DENND5B: variants seen among roughly 807,000 people sequenced by gnomAD.
DENND5B encodes the protein DENN domain-containing protein 5B.
A neutral mutation model predicts 140.6 loss-of-function variants in DENND5B; 34 were observed. The observed-to-expected ratio is 0.24, with a 90% CI of 0.18 to 0.32. The LOEUF (loss-of-function observed/expected upper bound fraction) is 0.32. DENND5B is among the 10% of genes least tolerant of loss of function. The pLI, the probability that DENND5B is intolerant of heterozygous loss-of-function variation, is 1.00. For missense variants in DENND5B, 1,142 were observed against 1,560.2 expected, an observed-to-expected ratio of 0.73 and a Z score of 4.52; for synonymous variants, 551 against 562.1, an observed-to-expected ratio of 0.98 and a Z score of 0.28.
At chr12:31,524,025 T>G (rs1371380641) in intron 1 of DENND5B, among the ~76,000 whole-genome samples, 3 of 149,964 alleles carry the variant, frequency 2.0e-5, no homozygotes, top group African/African-American at 7.4e-5. Context: ...GTCTTTTAAG[T>G]GAAAACTACT....
chr12:31,469,775 C>A (rs889094824), intron 3 of DENND5B, among the ~76,000 whole-genome samples: 1 of 152,064 alleles, frequency 6.6e-6, no homozygotes, highest in Non-Finnish European at 1.5e-5. Context: ...TTCACTCTTA[C>A]TTTCCATGAA....
In DENND5B at chr12:31,590,710, C is replaced by A; in HGVS notation, c.123G>T (p.Leu41=). The change falls in exon 1 of 21, where the codon CTG becomes CTT. Residue 41 remains leucine (L), a synonymous_variant. Transcript: ENST00000389082. ...CCGCCGCAGCCCTGGCCTTACCCGC[C>A]AGCTCGTCAGGCTCCAGCCCGCTGT... is the stretch of plus-strand genomic sequence containing the variant. ...DADSGLEPDE[L]AGENFDQSPL... The A allele has an allele frequency of 2.7e-6, 4 of 1,476,304 alleles. No homozygotes were observed. Among genetic ancestry groups the A allele is most frequent in the Non-Finnish European group, 3.6e-6 (4 of 1,119,704 alleles). 91.5% of individuals were successfully genotyped at this position (1,476,304 alleles called of 1,614,324 possible). A position where few individuals can be genotyped will look rare whatever the true frequency, so the allele number is the denominator to read the frequency against.
chr12:31,588,525 A>G (rs1950481311), intron 1 of DENND5B, among the ~76,000 whole-genome samples: 1 of 152,210 alleles, frequency 6.6e-6, no homozygotes, highest in Admixed American at 6.5e-5. Context: ...TATTCCCTAA[A>G]CAATACAGTA....
In DENND5B at chr12:31,483,978, C is replaced by T. The variant is rs1258708673; in HGVS notation, c.238-3723G>A. 3.3e-5 allele frequency among the ~76,000 whole-genome samples: 5 copies of T among 151,424 alleles called. No homozygotes were observed. The South Asian group carries it at 8.4e-4, about 25-fold the overall frequency. Reference sequence around the variant, plus strand: ...CTCCCAGGTTCAAGCCTCAGCCTCCCGAGTAGCTGGGACTACAGGCCTGCA... The same window carrying T: ...CTCCCAGGTTCAAGCCTCAGCCTCCTGAGTAGCTGGGACTACAGGCCTGCA... On this transcript the variant is annotated intron_variant, in intron 2 of 20. Transcript: ENST00000389082.
At chr12:31,522,070 T>G (rs950797312) in intron 1 of DENND5B, among the ~76,000 whole-genome samples, 2 of 152,238 alleles carry the variant, frequency 1.3e-5, no homozygotes, top group Non-Finnish European at 1.5e-5. Flanking sequence ...CACCCCTTTC[T>G]GCTTTTACAA....
At chr12:31,408,711 T>C (rs552573274) in intron 14 of DENND5B, among the ~76,000 whole-genome samples, 7 of 152,092 alleles carry the variant, frequency 4.6e-5, no homozygotes, top group African/African-American at 1.7e-4. Context: ...AGTTTATTAT[T>C]AACACACAGA....
chr12:31,480,366 A>G (rs1256512186), intron 2 of DENND5B, 111 bp from the exon 3 acceptor site: 2 of 1,042,416 alleles, frequency 1.9e-6, no homozygotes, highest in Non-Finnish European at 2.6e-6. Flanking sequence ...GGTTTTATCC[A>G]GATTTAATAT....
intron 1 of DENND5B, among the ~76,000 whole-genome samples, chr12:31,523,752 G>A (rs1036448339): frequency 6.6e-6 from 1 of 152,100 alleles, no homozygotes; most frequent in African/African-American, 2.4e-5. Flanking sequence ...GATAACTACA[G>A]GATTACCAAA....
chr12:31,569,864 C>G (rs1000516423), intron 1 of DENND5B, among the ~76,000 whole-genome samples: 21 of 151,984 alleles, frequency 1.4e-4, no homozygotes, highest in Middle Eastern at 3.4e-3. Flanking sequence ...TACTTAGGAA[C>G]AACTAAAATT....
intron 1 of DENND5B, among the ~76,000 whole-genome samples, chr12:31,520,694 C>A (rs907270882): frequency 1.3e-5 from 2 of 152,054 alleles, no homozygotes; most frequent in Admixed American, 1.3e-4. Context: ...GTGTGTGCCA[C>A]CATGCCCGGC....
intron 1 of DENND5B, among the ~76,000 whole-genome samples, chr12:31,586,648 TC>T: frequency 6.6e-6 from 1 of 152,146 alleles, no homozygotes; most frequent in Non-Finnish European, 1.5e-5. Context: ...TATTATAAGG[TC>T]TTAGTCTATT....
intron 19 of DENND5B, among the ~76,000 whole-genome samples, chr12:31,390,751 C>A (rs1170469405): frequency 6.7e-6 from 1 of 149,886 alleles, no homozygotes; most frequent in Non-Finnish European, 1.5e-5. Context: ...TGGCCAGGCA[C>A]AGTGGCTCAC....
intron 20 of DENND5B, 33 bp from the exon 21 acceptor site, chr12:31,387,819 T>C (rs1940920321): frequency 6.3e-7 from 1 of 1,598,590 alleles, no homozygotes. Context: ...TTCCTGAGCA[T>C]TGCTGGCCTC....
chr12:31,390,632 T>C (rs1456590534), intron 19 of DENND5B, among the ~76,000 whole-genome samples: 1 of 151,774 alleles, frequency 6.6e-6, no homozygotes, highest in Admixed American at 6.6e-5. Flanking sequence ...CGAGACTCCA[T>C]CTAAAACAAA....
chr12:31,553,774 T>G (rs558208895), intron 1 of DENND5B, among the ~76,000 whole-genome samples: 37 of 152,356 alleles, frequency 2.4e-4, no homozygotes, highest in East Asian at 2.3e-3. Flanking sequence ...ATATTTAGGA[T>G]AGTTAACTCT....
In DENND5B at chr12:31,555,772, C is replaced by T. The variant is rs182533007; in HGVS notation, c.127+34934G>A. Among the ~76,000 whole-genome samples the T allele has an allele frequency of 5.6e-3, 853 of 152,344 alleles. 4 individuals carry two copies. Among genetic ancestry groups the T allele is most frequent in the African/African-American group, 0.02 (820 of 41,570 alleles). ...TTGGCAATGACAGGTGCCCCTCCCC[C>T]AGCCTCACTGCCACCTTGCAGTTTG... On this transcript the variant is annotated intron_variant, in intron 1 of 20. Coordinates refer to ENST00000389082, the MANE Select transcript of DENND5B (RefSeq NM_144973.4).
chr12:31,502,339 C>A (rs950650752), intron 1 of DENND5B, among the ~76,000 whole-genome samples: 3 of 145,732 alleles, frequency 2.1e-5, no homozygotes, highest in Non-Finnish European at 3.1e-5. Flanking sequence ...ACAAAAAAAA[C>A]ATTATATTCA....
At chr12:31,584,389 CTT>C (rs1434531336) in intron 1 of DENND5B, among the ~76,000 whole-genome samples, 4 of 152,240 alleles carry the variant, frequency 2.6e-5, no homozygotes, top group Non-Finnish European at 5.9e-5. Context: ...TTCACTCACT[CTT>C]GGGCCAATTT....
intron 1 of DENND5B, among the ~76,000 whole-genome samples, chr12:31,543,017 A>C (rs1276828478): frequency 6.6e-6 from 1 of 152,138 alleles, no homozygotes; most frequent in Admixed American, 6.6e-5. Flanking sequence ...TTTTTGGTAG[A>C]CAACACTTAA....
Sources: allele counts gnomAD v4.1 joint callset (sites outside exome capture counted in the v4.1 genomes callset), GRCh38; gene constraint gnomAD v4.1.1; transcripts MANE v1.5; gene names NCBI Gene and HGNC (gene_info 2026-07-23, HGNC 2026-07-21).